The following IL13RA1 variants were observed in gnomAD, a reference collection of about 807,000 sequenced individuals.
IL13RA1 encodes interleukin 13 receptor subunit alpha 1, also known as interleukin-13 receptor subunit alpha-1.
In IL13RA1, 14 loss-of-function variants were observed where a neutral mutation model predicts 33.8. The observed-to-expected ratio is 0.41, with a 90% CI of 0.27 to 0.65. The LOEUF (loss-of-function observed/expected upper bound fraction) is 0.65, where lower values mean the gene tolerates loss of function less well. Ranked by LOEUF, IL13RA1 falls within the 30% of genes least tolerant of loss-of-function variation. IL13RA1 has a pLI of 0.28. For missense variants in IL13RA1, 313 were observed against 327.0 expected (o/e 0.96, Z 0.33); for synonymous variants, 116 against 115.7 (o/e 1.00, Z -0.02).
At chrX:118,727,775 G>T (rs1415195754) in intron 1 of IL13RA1, 49 bp downstream of exon 1, 1 of 611,503 alleles carries the variant, frequency 1.6e-6, no homozygotes, top group Non-Finnish European at 2.1e-6. Flanking sequence ...GCTGAGGGCG[G>T]TGAGGGTCAC....
intron 10 of IL13RA1, among the ~76,000 whole-genome samples, chrX:118,791,432 G>T (rs977479772): frequency 9.0e-6 from 1 of 111,361 alleles, no homozygotes; most frequent in Non-Finnish European, 1.9e-5. Flanking sequence ...GTTGGAGTAA[G>T]AACGGCATGA....
At chrX:118,735,483 C>T (rs2017271285) in intron 1 of IL13RA1, among the ~76,000 whole-genome samples, 2 of 112,019 alleles carry the variant, frequency 1.8e-5, no homozygotes, top group Admixed American at 9.5e-5. Context: ...TTCGCTGCAT[C>T]GTCTACATTT....
intron 8 of IL13RA1, 50 bp from the exon 9 acceptor site, chrX:118,773,829 C>CT (rs1394471497): frequency 3.2e-6 from 2 of 631,834 alleles, no homozygotes. Context: ...TGGTTTATTA[C>CT]TAAAAGGGTT....
downstream of IL13RA1, among the ~76,000 whole-genome samples, chrX:118,797,880 C>T (rs1306199560): frequency 9.0e-6 from 1 of 111,667 alleles, no homozygotes; most frequent in Non-Finnish European, 1.9e-5. Flanking sequence ...TCTCCCAGAG[C>T]CTCCATATAG....
At position 118,741,849 on chromosome X, in the gene IL13RA1, G is replaced by A. The variant is rs747705697; in HGVS notation, c.228+693G>A. On this transcript the variant is annotated intron_variant, in intron 2 of 10. Transcript: ENST00000371666. ...GGGTTGGGTGTTTGGGGTTGAATTT[G>A]TCCAGGATTTTGAGTAGGCAGAATG... is the stretch of plus-strand genomic sequence containing the variant. Among the ~76,000 whole-genome samples, 6 of 110,888 alleles carry A rather than the reference G, an allele frequency of 5.4e-5. No homozygotes were observed. In the South Asian group the frequency reaches 2.3e-3, roughly 43 times the overall value.
chrX:118,799,261 G>A (rs895877306), downstream of IL13RA1, among the ~76,000 whole-genome samples: 2 of 112,961 alleles, frequency 1.8e-5, no homozygotes, highest in Admixed American at 1.9e-4. Context: ...GCTCCTGTGC[G>A]GCCCGAGCCT....
At chrX:118,802,720 A>G in the IL13RA1 span, among the ~76,000 whole-genome samples, 2 of 112,417 alleles carry the variant, frequency 1.8e-5, no homozygotes, top group African/African-American at 6.5e-5. Context: ...TAAGACTTGT[A>G]GATTTGAAAA....
At chrX:118,750,675 G>GTT (rs903350052) in intron 4 of IL13RA1, among the ~76,000 whole-genome samples, 1 of 103,199 alleles carries the variant, frequency 9.7e-6, no homozygotes. Context: ...GGCTTATTTA[G>GTT]TTTTTTTTTT....
At chrX:118,803,876 TCCTTC>T in the IL13RA1 span, among the ~76,000 whole-genome samples, 88 of 89,592 alleles carry the variant, frequency 9.8e-4, no homozygotes, top group African/African-American at 3.5e-3. Flanking sequence ...CTTCCTTCCT[TCCTTC>T]CTTCCTTCCT....
chrX:118,784,491 A>G (rs1240659533), intron 10 of IL13RA1, among the ~76,000 whole-genome samples: 1 of 111,476 alleles, frequency 9.0e-6, no homozygotes, highest in Non-Finnish European at 1.9e-5. Flanking sequence ...GATGATTGAA[A>G]AGATATTTTT....
At chrX:118,730,263 A>C (rs1200851339) in intron 1 of IL13RA1, among the ~76,000 whole-genome samples, 1 of 112,412 alleles carries the variant, frequency 8.9e-6, no homozygotes, top group Admixed American at 9.4e-5. Flanking sequence ...AGGCCACTGC[A>C]CTTCAGCCTG....
rs768184072 is a variant in IL13RA1 at position 118,773,980 on chromosome X, G to A, written c.1106+5G>A. On this transcript the variant is annotated splice_donor_5th_base_variant and intron_variant, in intron 9 of 10. Coordinates refer to ENST00000371666, the MANE Select transcript of IL13RA1 (RefSeq NM_001560.3). ...ACTCCTGCTTTACCTAAAAAGGTAAGGTAGCTGCCCAGGCAGGTTTTGCAG... is the reference window on the plus strand; with the variant it reads ...ACTCCTGCTTTACCTAAAAAGGTAAAGTAGCTGCCCAGGCAGGTTTTGCAG... 3 of 848,851 alleles carry A rather than the reference G, an allele frequency of 3.5e-6. No homozygotes were observed. Among genetic ancestry groups the A allele is most frequent in the Non-Finnish European group, 5.3e-6 (3 of 568,391 alleles). The allele number at this position is 848,851 out of a possible 1,213,427, so 70.0% of individuals were successfully genotyped here.
intron 1 of IL13RA1, among the ~76,000 whole-genome samples, chrX:118,731,560 G>C (rs2017219257): frequency 1.0e-5 from 1 of 98,725 alleles, no homozygotes; most frequent in South Asian, 5.8e-4. Flanking sequence ...CTGGGTAACA[G>C]AGCGAGACTC....
Position 118,732,302 on chromosome X carries a change from T to C in IL13RA1, c.88+4576T>C, listed in dbSNP as rs372099158. ...AGTATCTCATATGAATGTAATGATA[T>C]ACTATTTGTCTTTTTTGTGACTGGC... On this transcript the variant is annotated intron_variant, in intron 1 of 10. Coordinates refer to ENST00000371666, the MANE Select transcript of IL13RA1 (RefSeq NM_001560.3). Among the ~76,000 whole-genome samples the C allele has an allele frequency of 4.5e-5, 5 of 111,205 alleles. No individual in the cohort carries two copies. In the Admixed American group the frequency reaches 4.8e-4, roughly 11 times the overall value.
In IL13RA1 at chrX:118,784,090, A is replaced by AAAATATATATATAT. The variant is rs1556372973; in HGVS notation, c.1191+7580_1191+7581insAATATATATATATA. Among the ~76,000 whole-genome samples the AAAATATATATATAT allele has an allele frequency of 1.4e-4, 9 of 63,951 alleles. 1 individual carries two copies. Among genetic ancestry groups the AAAATATATATATAT allele is most frequent in the East Asian group, 1.3e-3 (2 of 1,485 alleles). The allele number at this position is 63,951 out of a possible 115,157, so 55.5% of individuals were successfully genotyped here. On this transcript the variant is annotated intron_variant, in intron 10 of 10. Transcript: ENST00000371666. ...AGACTCTGTCGCCAAAAAAAAAAAA[A>AAAATATATATATAT]ATATATATATATATATATACGTATA...
intron 10 of IL13RA1, among the ~76,000 whole-genome samples, chrX:118,783,052 GGGCTAAGGTACATGAA>G (rs1266520030): frequency 8.9e-6 from 1 of 111,878 alleles, no homozygotes; most frequent in Non-Finnish European, 1.9e-5. Flanking sequence ...TTTTTGCATG[GGGCTAAGGTACATGAA>G]GCTCACTTCA....
chrX:118,785,996 G>A (rs2017912557), intron 10 of IL13RA1, among the ~76,000 whole-genome samples: 3 of 111,745 alleles, frequency 2.7e-5, no homozygotes, highest in Non-Finnish European at 3.8e-5. Context: ...ATATACTTCA[G>A]CTAGTTTTGA....
At position 118,791,637 on chromosome X, in the gene IL13RA1, ACAGGAAAT is replaced by A. The variant is rs2017975627; in HGVS notation, c.1192-122_1192-115del. On this transcript the variant is annotated intron_variant, in intron 10 of 10. Transcript: ENST00000371666. ...TTCTTAGGTCAAAAAAAAAAAAAAA[ACAGGAAAT>A]CATACCCCTACGGTTCCATCCACAC... The A allele has an allele frequency of 9.5e-6, 3 of 315,537 alleles. No individual in the cohort carries two copies. In the East Asian group the frequency reaches 1.4e-4, roughly 15 times the overall value. The allele number at this position is 315,537 out of a possible 1,213,427, so 26.0% of individuals were successfully genotyped here. A position where few individuals can be genotyped will look rare whatever the true frequency, so the allele number is the denominator to read the frequency against.
chrX:118,771,292 GTTTTC>G (rs1159120943), intron 8 of IL13RA1, among the ~76,000 whole-genome samples: 6 of 46,204 alleles, frequency 1.3e-4, no homozygotes, highest in African/African-American at 5.3e-4. Context: ...CAGTACAGTG[GTTTTC>G]TTTTCTTTGT....
Sources: allele counts gnomAD v4.1 joint callset (sites outside exome capture counted in the v4.1 genomes callset), GRCh38; gene constraint gnomAD v4.1.1; transcripts MANE v1.5; gene names NCBI Gene and HGNC (gene_info 2026-07-23, HGNC 2026-07-21).